CDH13: variants seen among roughly 807,000 people sequenced by gnomAD.
CDH13 encodes the protein cadherin 13.
A neutral mutation model predicts 63.8 loss-of-function variants in CDH13; 24 were observed. The ratio of observed to expected loss-of-function variants is 0.38; its 90% CI spans 0.27 to 0.53. The LOEUF is 0.53. Ranked by LOEUF, CDH13 falls within the 20% of genes least tolerant of loss-of-function variation. The pLI is 0.85. For missense variants in CDH13, 1,049 were observed against 903.1 expected, an observed-to-expected ratio of 1.16 and a Z score of -2.07; for synonymous variants, 503 against 355.3, an observed-to-expected ratio of 1.42 and a Z score of -4.67.
chr16:83,080,428 C>T (rs4548846), intron 3 of CDH13, among the ~76,000 whole-genome samples: 10,086 of 152,262 alleles, frequency 0.066, 1,050 homozygotes, highest in East Asian at 0.47. Context: ...ATTTCAACTA[C>T]GTTCTATCCT....
chr16:83,558,565 T>A (rs2075645143), intron 7 of CDH13, among the ~76,000 whole-genome samples: 1 of 152,218 alleles, frequency 6.6e-6, no homozygotes, highest in Admixed American at 6.5e-5. Context: ...TAATTTATAT[T>A]TAAAATCTAC....
intron 6 of CDH13, among the ~76,000 whole-genome samples, chr16:83,466,074 A>AC (rs925662067): frequency 1.3e-5 from 2 of 151,168 alleles, no homozygotes; most frequent in African/African-American, 2.4e-5. Context: ...AGGCAGGACC[A>AC]CCCCCCGCAA....
At chr16:82,699,656 A>G (rs1252493471) in intron 1 of CDH13, among the ~76,000 whole-genome samples, 2 of 152,216 alleles carry the variant, frequency 1.3e-5, no homozygotes, top group African/African-American at 2.4e-5. Context: ...ACCAAAATGT[A>G]ATCAGTACAC....
intron 8 of CDH13, among the ~76,000 whole-genome samples, chr16:83,618,647 G>A (rs1909518051): frequency 2.0e-5 from 3 of 151,998 alleles, no homozygotes; most frequent in South Asian, 4.1e-4. Context: ...GCCAAGAGCC[G>A]AGACAGTTGG....
chr16:83,680,992 C>A (rs1915357549), intron 10 of CDH13, among the ~76,000 whole-genome samples: 1 of 152,084 alleles, frequency 6.6e-6, no homozygotes, highest in Non-Finnish European at 1.5e-5. Flanking sequence ...GCAAACACCT[C>A]TCCTTGATCC....
intron 1 of CDH13, among the ~76,000 whole-genome samples, chr16:82,818,421 T>A (rs76071700): frequency 0.055 from 8,441 of 152,234 alleles, 339 homozygotes; most frequent in East Asian, 0.16. Flanking sequence ...ACCCTAAGTA[T>A]GTTCATCGAG....
intron 7 of CDH13, among the ~76,000 whole-genome samples, chr16:83,552,173 T>C (rs2075515236): frequency 6.6e-6 from 1 of 152,152 alleles, no homozygotes; most frequent in Admixed American, 6.5e-5. Flanking sequence ...GAGTTCCAGG[T>C]ACATGAGCAT....
At chr16:83,418,675 G>A (rs763206355) in intron 6 of CDH13, among the ~76,000 whole-genome samples, 4 of 151,190 alleles carry the variant, frequency 2.6e-5, no homozygotes, top group South Asian at 2.1e-4. Context: ...TGCCTGCTGG[G>A]AATTAGTTTT....
chr16:82,841,444 G>A (rs1218442772), intron 1 of CDH13, among the ~76,000 whole-genome samples: 1 of 152,188 alleles, frequency 6.6e-6, no homozygotes, highest in Admixed American at 6.5e-5. Context: ...TTATCCTGTA[G>A]TTTAGCAAAG....
At chr16:83,684,910 T>TAA in intron 10 of CDH13, among the ~76,000 whole-genome samples, 1 of 152,112 alleles carries the variant, frequency 6.6e-6, no homozygotes. Flanking sequence ...AAAGTAGGTC[T>TAA]AGAGCAGGCA....
chr16:82,832,280 A>C (rs887490097), intron 1 of CDH13, among the ~76,000 whole-genome samples: 1 of 152,226 alleles, frequency 6.6e-6, no homozygotes, highest in Non-Finnish European at 1.5e-5. Flanking sequence ...TTAACCATTA[A>C]TTATGAACAT....
At chr16:83,553,171 C>T (rs1295735584) in intron 7 of CDH13, among the ~76,000 whole-genome samples, 3 of 151,894 alleles carry the variant, frequency 2.0e-5, no homozygotes, top group East Asian at 1.9e-4. Context: ...TTACGGTATT[C>T]GGTGGAAACT....
chr16:83,701,530 C>G (rs772721620), intron 10 of CDH13, among the ~76,000 whole-genome samples: 1 of 152,130 alleles, frequency 6.6e-6, no homozygotes, highest in Non-Finnish European at 1.5e-5. Context: ...GAGACTGAAG[C>G]TATATCTGTT....
At chr16:83,582,092 A>C (rs1905664318) in intron 7 of CDH13, among the ~76,000 whole-genome samples, 1 of 152,154 alleles carries the variant, frequency 6.6e-6, no homozygotes, top group African/African-American at 2.4e-5. Flanking sequence ...TCTCCTGAAC[A>C]CAGGGTTGTC....
intron 6 of CDH13, among the ~76,000 whole-genome samples, chr16:83,358,583 A>G (rs541610834): frequency 3.8e-4 from 58 of 152,324 alleles, no homozygotes; most frequent in African/African-American, 1.4e-3. Flanking sequence ...AACAGCTGAA[A>G]TATGCAGCAT....
chr16:82,730,836 A>T (rs1299190604), intron 1 of CDH13, among the ~76,000 whole-genome samples: 1 of 152,184 alleles, frequency 6.6e-6, no homozygotes, highest in Admixed American at 6.5e-5. Context: ...GATTTGTTAC[A>T]TTTTCATGAA....
At chr16:83,594,013 G>T (rs1427559938) in intron 7 of CDH13, among the ~76,000 whole-genome samples, 1 of 152,190 alleles carries the variant, frequency 6.6e-6, no homozygotes, top group African/African-American at 2.4e-5. Flanking sequence ...GCATTTCTTA[G>T]CTATACTCTG....
chr16:83,085,358 G>A (rs1212195062), intron 3 of CDH13, among the ~76,000 whole-genome samples: 4 of 152,020 alleles, frequency 2.6e-5, no homozygotes, highest in Non-Finnish European at 5.9e-5. Context: ...ACAACACGTG[G>A]GAATTCTGGG....
intron 4 of CDH13, among the ~76,000 whole-genome samples, chr16:83,129,077 C>G (rs2035937036): frequency 6.6e-6 from 1 of 152,088 alleles, no homozygotes; most frequent in Non-Finnish European, 1.5e-5. Context: ...CTTTATATCT[C>G]CTGTCTTATC....
Sources: gnomAD v4.1 joint callset for allele counts (sites outside exome capture counted in the v4.1 genomes callset) on GRCh38, gnomAD v4.1.1 for gene constraint, MANE v1.5 for transcripts, NCBI Gene and HGNC (gene_info 2026-07-23, HGNC 2026-07-21) for gene names.